The following FLACC1 variants were observed in gnomAD, a reference collection of about 807,000 sequenced individuals.
The protein encoded by FLACC1 is flagellum associated containing coiled-coil domains 1, also known as flagellum-associated coiled-coil domain-containing protein 1.
FLACC1 carries 66 observed loss-of-function variants against 62.8 expected under a neutral mutation model. The observed-to-expected ratio is 1.05, with a 90% confidence interval of 0.86 to 1.29. The LOEUF is 1.29. Among genes scored for constraint, FLACC1 ranks in the 50% most tolerant of loss-of-function variants. FLACC1 has a pLI of 0.00. For missense variants in FLACC1, 452 were observed against 489.1 expected, an observed-to-expected ratio of 0.92 and a Z score of 0.71; for synonymous variants, 156 against 161.0, an observed-to-expected ratio of 0.97 and a Z score of 0.24.
At chr2:201,330,855 C>T (rs1950580458) in intron 7 of FLACC1, 22 bp from the exon 8 acceptor site, 2 of 1,599,582 alleles carry the variant, frequency 1.3e-6, no homozygotes, top group African/African-American at 1.3e-5. Flanking sequence ...CAGGAGAAGG[C>T]CACAATCATT....
At chr2:201,319,128 A>AACAGT (rs1004263064) in intron 9 of FLACC1, among the ~76,000 whole-genome samples, 46 of 152,316 alleles carry the variant, frequency 3.0e-4, no homozygotes, top group African/African-American at 1.1e-3. Context: ...AGGCTACAGT[A>AACAGT]ACCAAAACAG....
At chr2:201,360,626 A>G (rs1951178156), upstream of FLACC1, among the ~76,000 whole-genome samples, 2 of 152,212 alleles carry the variant, frequency 1.3e-5, no homozygotes. Context: ...ACTCCCATGG[A>G]TCATCCTGAA....
At chr2:201,303,114 C>A (rs1262471033) in intron 11 of FLACC1, among the ~76,000 whole-genome samples, 1 of 140,222 alleles carries the variant, frequency 7.1e-6, no homozygotes, top group Non-Finnish European at 1.6e-5. Context: ...GACACAAAAA[C>A]CCTTCAAAAA....
chr2:201,335,390 T>C (rs1456010779), intron 7 of FLACC1, among the ~76,000 whole-genome samples: 2 of 152,180 alleles, frequency 1.3e-5, no homozygotes, highest in African/African-American at 4.8e-5. Flanking sequence ...GATCTCTGTT[T>C]TATCTACTTC....
chr2:201,331,951 G>C (rs777740268), intron 7 of FLACC1, among the ~76,000 whole-genome samples: 1 of 152,140 alleles, frequency 6.6e-6, no homozygotes, highest in Non-Finnish European at 1.5e-5. Flanking sequence ...ATGTGTGTGA[G>C]GGGGCAGTAA....
intron 12 of FLACC1, among the ~76,000 whole-genome samples, chr2:201,290,182 T>A (rs62191537): frequency 0.065 from 9,885 of 152,230 alleles, 431 homozygotes; most frequent in Admixed American, 0.091. Flanking sequence ...GCAGTGAAAC[T>A]ATTCTGTATG....
intron 7 of FLACC1, among the ~76,000 whole-genome samples, chr2:201,337,622 C>T (rs567738378): frequency 6.6e-6 from 1 of 152,290 alleles, no homozygotes; most frequent in African/African-American, 2.4e-5. Flanking sequence ...CATCTGGGCT[C>T]AAGTGATCCT....
At chr2:201,314,783 G>A (rs1182172700) in intron 9 of FLACC1, among the ~76,000 whole-genome samples, 1 of 151,984 alleles carries the variant, frequency 6.6e-6, no homozygotes, top group African/African-American at 2.4e-5. Context: ...GAGCTGTGAG[G>A]CAAAAGCACC....
chr2:201,356,065 G>T (rs1228707663), intron 1 of FLACC1, among the ~76,000 whole-genome samples: 2 of 152,156 alleles, frequency 1.3e-5, no homozygotes, highest in Non-Finnish European at 2.9e-5. Flanking sequence ...GTCTGGGGGT[G>T]CCAGGGGAGG....
chr2:201,348,801 A>G (rs1426276858), intron 3 of FLACC1, among the ~76,000 whole-genome samples: 2 of 152,222 alleles, frequency 1.3e-5, no homozygotes, highest in Non-Finnish European at 2.9e-5. Flanking sequence ...TCAAATCTTT[A>G]TATATGCTAT....
rs1950917089 is a variant in FLACC1 at position 201,346,510 on chromosome 2, C to T, written c.368+32G>A. The T allele has an allele frequency of 6.2e-7, 1 of 1,610,370 alleles. No homozygotes were observed. Among genetic ancestry groups the T allele is most frequent in the South Asian group, 1.1e-5 (1 of 91,022 alleles). On this transcript the variant is annotated intron_variant, in intron 5 of 14. Transcript: ENST00000392257. The surrounding 1 kb of genome is among the most constrained non-coding windows in gnomAD (Gnocchi z 4.0). ...GGGCTGAGCTGGGTGGGAGTAGCCC[C>T]AAGCAGCTGCATGTTGCTGCAACAG... is the stretch of plus-strand genomic sequence containing the variant.
At chr2:201,292,984 T>C (rs970109153) in intron 12 of FLACC1, among the ~76,000 whole-genome samples, 6 of 152,188 alleles carry the variant, frequency 3.9e-5, no homozygotes, top group Non-Finnish European at 5.9e-5. Context: ...ATCCTAAATA[T>C]ATATGCACCC....
At chr2:201,344,104 T>A in intron 6 of FLACC1, 66 bp downstream of exon 6, 1 of 1,427,964 alleles carries the variant, frequency 7.0e-7, no homozygotes, top group Admixed American at 1.8e-5. Flanking sequence ...GCCTGGCACA[T>A]AGGTGATTCA....
intron 9 of FLACC1, among the ~76,000 whole-genome samples, chr2:201,328,157 G>A (rs1035803381): frequency 6.6e-6 from 1 of 151,872 alleles, no homozygotes; most frequent in Non-Finnish European, 1.5e-5. Flanking sequence ...AGAAGGGGGA[G>A]GTGGGAGAGT....
chr2:201,357,822 G>C (rs539838778), upstream of FLACC1, among the ~76,000 whole-genome samples: 2 of 151,806 alleles, frequency 1.3e-5, no homozygotes, highest in South Asian at 4.2e-4. Flanking sequence ...TTTAAATAAA[G>C]CTGCTTTTTC....
At chr2:201,351,198 G>T (rs1951020583) in intron 2 of FLACC1, 94 bp downstream of exon 2, 5 of 1,133,502 alleles carry the variant, frequency 4.4e-6, no homozygotes, top group Non-Finnish European at 5.1e-6. Flanking sequence ...GGATTTTCCT[G>T]CCACACTTGC....
intron 9 of FLACC1, 102 bp downstream of exon 9, chr2:201,330,368 T>C: frequency 8.4e-7 from 1 of 1,184,986 alleles, no homozygotes. Context: ...GCTGGGAATC[T>C]CAGGACATTA....
chr2:201,331,632 C>T (rs1436570138), intron 7 of FLACC1, among the ~76,000 whole-genome samples: 3 of 152,164 alleles, frequency 2.0e-5, no homozygotes, highest in African/African-American at 7.2e-5. Flanking sequence ...ATGATTCCAA[C>T]TATATGACAT....
intron 2 of FLACC1, 35 bp from the exon 3 acceptor site, chr2:201,350,817 A>G: frequency 6.3e-7 from 1 of 1,579,328 alleles, no homozygotes; most frequent in South Asian, 1.1e-5. Context: ...AAACAAGAAC[A>G]TTGGAAATTC....
Sources: allele counts gnomAD v4.1 joint callset (sites outside exome capture counted in the v4.1 genomes callset), GRCh38; gene constraint gnomAD v4.1.1; non-coding constraint Gnocchi (gnomAD v3.1); transcripts MANE v1.5; gene names NCBI Gene and HGNC (gene_info 2026-07-23, HGNC 2026-07-21).